The following TENM3 variants were observed in gnomAD, a reference collection of about 807,000 sequenced individuals.
TENM3 encodes the protein teneurin-3.
A neutral mutation model predicts 255.1 loss-of-function variants in TENM3; 63 were observed. The ratio of observed to expected loss-of-function variants is 0.25; its 90% CI spans 0.20 to 0.30. The LOEUF (loss-of-function observed/expected upper bound fraction) is 0.30. TENM3 is among the 10% of genes least tolerant of loss of function. The pLI is 1.00. For synonymous variants in TENM3, 1,306 were observed against 1,322.3 expected (o/e 0.99, Z 0.27); for missense variants, 2,929 against 3,461.1 (o/e 0.85, Z 3.86).
chr4:181,486,579 G>A, the TENM3 span, among the ~76,000 whole-genome samples: 3 of 152,178 alleles, frequency 2.0e-5, no homozygotes, highest in Admixed American at 1.3e-4. Flanking sequence ...GACAAGTTAG[G>A]TCTTTTTAAG....
At chr4:181,739,332 A>G in the TENM3 span, among the ~76,000 whole-genome samples, 4 of 152,214 alleles carry the variant, frequency 2.6e-5, no homozygotes, top group Non-Finnish European at 1.5e-5. Context: ...CTTACTCATA[A>G]TGTCACAGAT....
the TENM3 span, among the ~76,000 whole-genome samples, chr4:182,023,615 T>A: frequency 1.9e-4 from 29 of 152,318 alleles, 1 homozygote; most frequent in South Asian, 5.6e-3. Context: ...ACTGGCCCCC[T>A]GTGCATGGAA....
At chr4:182,527,618 A>G (rs1275618283) in intron 3 of TENM3, among the ~76,000 whole-genome samples, 1 of 152,230 alleles carries the variant, frequency 6.6e-6, no homozygotes, top group Non-Finnish European at 1.5e-5. Context: ...TAGAAGAAAT[A>G]TAGTGATCGT....
intron 3 of TENM3, among the ~76,000 whole-genome samples, chr4:182,420,883 T>A (rs1770784406): frequency 6.6e-6 from 1 of 152,210 alleles, no homozygotes; most frequent in Non-Finnish European, 1.5e-5. Flanking sequence ...AGGAGTTTTC[T>A]TATGTCCTTA....
At chr4:182,666,463 G>A (rs1485266593) in intron 6 of TENM3, among the ~76,000 whole-genome samples, 1 of 152,182 alleles carries the variant, frequency 6.6e-6, no homozygotes, top group African/African-American at 2.4e-5. Flanking sequence ...CCAACCTTCA[G>A]CAACCACCAC....
At chr4:182,765,134 T>TAAA (rs11411695) in intron 22 of TENM3, among the ~76,000 whole-genome samples, 5 of 151,244 alleles carry the variant, frequency 3.3e-5, no homozygotes, top group African/African-American at 1.2e-4. Context: ...AGCATGTGAT[T>TAAA]AAAAAAAAAT....
intron 3 of TENM3, among the ~76,000 whole-genome samples, chr4:182,542,700 T>C (rs1303988110): frequency 6.6e-6 from 1 of 152,166 alleles, no homozygotes; most frequent in Non-Finnish European, 1.5e-5. Flanking sequence ...CGAGGTCAAG[T>C]TTCGGATTCA....
chr4:181,750,789 A>C, the TENM3 span, among the ~76,000 whole-genome samples: 1 of 152,214 alleles, frequency 6.6e-6, no homozygotes, highest in African/African-American at 2.4e-5. Flanking sequence ...AAACGGTAAC[A>C]GATACCCATA....
chr4:181,522,371 A>G, the TENM3 span, among the ~76,000 whole-genome samples: 3 of 152,152 alleles, frequency 2.0e-5, no homozygotes, highest in Non-Finnish European at 4.4e-5. Context: ...TTCTGACATG[A>G]TTAGAATGAT....
the TENM3 span, among the ~76,000 whole-genome samples, chr4:181,724,038 C>A: frequency 6.6e-6 from 1 of 152,154 alleles, no homozygotes; most frequent in African/African-American, 2.4e-5. Context: ...TGCCAGCAGG[C>A]CTATAAAAGC....
the TENM3 span, among the ~76,000 whole-genome samples, chr4:181,694,814 CAT>C: frequency 1.3e-5 from 2 of 152,150 alleles, no homozygotes; most frequent in African/African-American, 4.8e-5. Context: ...GAGAAAAAAA[CAT>C]GTTTATCACT....
At chr4:182,583,838 A>G (rs186029748) in intron 3 of TENM3, among the ~76,000 whole-genome samples, 186 of 152,314 alleles carry the variant, frequency 1.2e-3, no homozygotes, top group African/African-American at 4.2e-3. Flanking sequence ...TTTCCTTACT[A>G]GGCAGATAAT....
chr4:181,823,659 T>A, the TENM3 span, among the ~76,000 whole-genome samples: 137,070 of 152,192 alleles, frequency 0.9, 62,300 homozygotes, highest in African/African-American at 0.94. Flanking sequence ...ATGATGGGGG[T>A]AAAAACCAAT....
chr4:181,848,464 G>A, the TENM3 span, among the ~76,000 whole-genome samples: 1 of 152,102 alleles, frequency 6.6e-6, no homozygotes, highest in Admixed American at 6.5e-5. Context: ...TCACTGCAGT[G>A]CAATATGAAG....
At chr4:181,787,977 C>T in the TENM3 span, among the ~76,000 whole-genome samples, 1 of 152,098 alleles carries the variant, frequency 6.6e-6, no homozygotes. Flanking sequence ...AGAGTGAGAC[C>T]TTGTGTCAAA....
At chr4:181,957,560 T>C in the TENM3 span, among the ~76,000 whole-genome samples, 1 of 152,178 alleles carries the variant, frequency 6.6e-6, no homozygotes, top group African/African-American at 2.4e-5. Flanking sequence ...AGAATAGTAA[T>C]GCAACATAAT....
At chr4:181,867,846 G>A in the TENM3 span, among the ~76,000 whole-genome samples, 2 of 152,114 alleles carry the variant, frequency 1.3e-5, no homozygotes, top group Non-Finnish European at 2.9e-5. Context: ...AGTAGCATAT[G>A]CATTTCTAAA....
chr4:182,731,309 G>A (rs1207246386), intron 16 of TENM3, among the ~76,000 whole-genome samples, 170 bp downstream of exon 16: 2 of 152,032 alleles, frequency 1.3e-5, no homozygotes, highest in East Asian at 3.9e-4. Flanking sequence ...TTCAAGACCA[G>A]CCTGGCCAAC....
At chr4:182,352,543 C>T (rs1393397190) in intron 3 of TENM3, among the ~76,000 whole-genome samples, 3 of 152,116 alleles carry the variant, frequency 2.0e-5, no homozygotes, top group African/African-American at 7.2e-5. Context: ...TGTTGTCGGA[C>T]CCCACTAATG....
Sources: gnomAD v4.1 joint callset for allele counts (sites outside exome capture counted in the v4.1 genomes callset) on GRCh38, gnomAD v4.1.1 for gene constraint, MANE v1.5 for transcripts, NCBI Gene and HGNC (gene_info 2026-07-23, HGNC 2026-07-21) for gene names.